Variants in MARCHF4 observed in about 807,000 individuals in gnomAD.
MARCHF4 encodes the protein E3 ubiquitin-protein ligase MARCHF4.
In MARCHF4, 14 loss-of-function variants were observed where a neutral mutation model predicts 43.9. The observed-to-expected ratio is 0.32, with a 90% CI of 0.21 to 0.50. MARCHF4 has a LOEUF of 0.50. Ranked by LOEUF, MARCHF4 falls within the 20% of genes least tolerant of loss-of-function variation. The pLI, the probability that MARCHF4 is intolerant of heterozygous loss-of-function variation, is 0.98. For synonymous variants in MARCHF4, 226 were observed against 213.3 expected (o/e 1.06, Z -0.52); for missense variants, 468 against 536.7 (o/e 0.87, Z 1.27).
chr2:216,343,929 G>C (rs1692272247), intron 1 of MARCHF4, among the ~76,000 whole-genome samples: 1 of 152,180 alleles, frequency 6.6e-6, no homozygotes, highest in Non-Finnish European at 1.5e-5. Flanking sequence ...TCACGAGAGG[G>C]AATGAATGCT....
intron 1 of MARCHF4, among the ~76,000 whole-genome samples, chr2:216,285,235 C>T (rs1004917389): frequency 3.3e-5 from 5 of 152,232 alleles, no homozygotes; most frequent in Non-Finnish European, 7.3e-5. Context: ...GGAACCACAT[C>T]CATTTTGTTA....
chr2:216,369,969 C>A lies in MARCHF4; in HGVS notation c.292G>T (p.Gly98Cys), dbSNP rs1401902695. 6.4e-7 allele frequency: 1 copy of A among 1,566,280 alleles called. No individual in the cohort carries two copies. The highest frequency in any genetic ancestry group is 1.8e-4 in the Middle Eastern group (1 of 5,456). Residue 98 changes from glycine (G) to cysteine (C), a missense_variant, in exon 1 of 4, where the codon GGC becomes TGC. Physicochemically the swap from Gly to Cys is radical, Grantham distance 159. Coordinates refer to ENST00000273067, the MANE Select transcript of MARCHF4 (RefSeq NM_020814.3). ...AGWRGPREVV[G>C]REPPPVPPPP... ...GGTGGCACAGGAGGGGGCTCCCTGC[C>A]CACCACTTCTCGGGGGCCCCTCCAG...
At chr2:216,267,666 C>T (rs578146825) in intron 3 of MARCHF4, among the ~76,000 whole-genome samples, 40 of 152,288 alleles carry the variant, frequency 2.6e-4, no homozygotes, top group Non-Finnish European at 4.7e-4. Context: ...GGCTTGATGG[C>T]GTGTTTCATA....
At chr2:216,283,345 CCT>C (rs1212087403) in intron 2 of MARCHF4, among the ~76,000 whole-genome samples, 1 of 152,018 alleles carries the variant, frequency 6.6e-6, no homozygotes, top group East Asian at 1.9e-4. Context: ...TATCTATTTC[CCT>C]CTCTTTGCCC....
chr2:216,333,547 T>C (rs1015120191), intron 1 of MARCHF4, among the ~76,000 whole-genome samples: 5 of 152,206 alleles, frequency 3.3e-5, no homozygotes, highest in South Asian at 2.1e-4. Context: ...TTGCACAACA[T>C]ATATGGAAAT....
intron 1 of MARCHF4, among the ~76,000 whole-genome samples, chr2:216,293,005 T>G (rs780302616): frequency 3.9e-5 from 6 of 152,100 alleles, no homozygotes; most frequent in Non-Finnish European, 8.8e-5. Flanking sequence ...ATTAAGTGAG[T>G]TAAGTGAGTT....
At chr2:216,336,742 T>TAGAAAAAAAAAAAAAAAAAAAAAA (rs1692162411) in intron 1 of MARCHF4, among the ~76,000 whole-genome samples, 1 of 55,680 alleles carries the variant, frequency 1.8e-5, no homozygotes, top group Non-Finnish European at 3.8e-5. Flanking sequence ...CAAATAGATT[T>TAGAAAAAAAAAAAAAAAAAAAAAA]AAAAAAAAAA....
intron 1 of MARCHF4, among the ~76,000 whole-genome samples, chr2:216,361,462 A>G (rs1574488361): frequency 6.6e-6 from 1 of 152,178 alleles, no homozygotes; most frequent in East Asian, 1.9e-4. Flanking sequence ...CTTCTTCTGC[A>G]TGCTTGTCTG....
intron 1 of MARCHF4, among the ~76,000 whole-genome samples, chr2:216,292,537 C>T (rs977070305): frequency 4.6e-5 from 7 of 152,100 alleles, no homozygotes; most frequent in Non-Finnish European, 7.3e-5. Context: ...CTCCAGTGTC[C>T]GTATTAGATC....
Position 216,258,186 on chromosome 2 carries a change from G to A in MARCHF4, c.*1126C>T, listed in dbSNP as rs1690683063. The A allele has an allele frequency of 6.6e-6, 1 of 152,212 alleles. No homozygotes were observed. The allele number at this position is 152,212 out of a possible 1,614,324, so 9.4% of individuals were successfully genotyped here. A position where few individuals can be genotyped will look rare whatever the true frequency, so the allele number is the denominator to read the frequency against. The stretch of plus-strand genomic sequence containing the variant: ...ATCAGCCTGACTGCCTCTTTGGGGA[G>A]GGTTCCAAACAGGGAGGGTTCCAAG... On this transcript the variant is annotated 3_prime_UTR_variant, in exon 4 of 4. Coordinates refer to ENST00000273067, the MANE Select transcript of MARCHF4 (RefSeq NM_020814.3).
intron 1 of MARCHF4, among the ~76,000 whole-genome samples, chr2:216,326,725 A>G (rs1040845023): frequency 4.6e-5 from 7 of 151,288 alleles, no homozygotes; most frequent in Admixed American, 2.6e-4. Flanking sequence ...AAAACCAAAC[A>G]CCGCATATTC....
chr2:216,314,481 G>A (rs1009562833), intron 1 of MARCHF4, among the ~76,000 whole-genome samples: 3 of 151,792 alleles, frequency 2.0e-5, no homozygotes, highest in Middle Eastern at 6.3e-3. Context: ...ACGCCACCAC[G>A]CCCAGCTAAT....
chr2:216,327,382 T>C (rs1040157423), intron 1 of MARCHF4, among the ~76,000 whole-genome samples: 1 of 152,002 alleles, frequency 6.6e-6, no homozygotes, highest in Non-Finnish European at 1.5e-5. Context: ...TCTATTTTTT[T>C]CCCCTCATCT....
chr2:216,288,542 G>A (rs1224226360), intron 1 of MARCHF4, among the ~76,000 whole-genome samples: 1 of 152,072 alleles, frequency 6.6e-6, no homozygotes, highest in Admixed American at 6.6e-5. Context: ...GGATGGATAA[G>A]GGACCCTGAC....
At position 216,259,336 on chromosome 2, in the gene MARCHF4, C is replaced by T. The variant is rs1029994969; in HGVS notation, c.1209G>A (p.Leu403=). 2 of 1,560,350 alleles carry T rather than the reference C, an allele frequency of 1.3e-6. No homozygotes were observed. The highest frequency in any genetic ancestry group is 1.7e-6 in the Non-Finnish European group (2 of 1,150,556). Reference sequence around the variant, plus strand: ...CTCACACTGTCGTGACTCTCATGACCAGCTCTCGGCTGCTGCCTGGGGGAC... The same window carrying T: ...CTCACACTGTCGTGACTCTCATGACTAGCTCTCGGCTGCTGCCTGGGGGAC... ...QRSPPGSSRE[L]VMRVTTV Residue 403 remains leucine (L), a synonymous_variant, in exon 4 of 4, where the codon CTG becomes CTA. Coordinates refer to ENST00000273067, the MANE Select transcript of MARCHF4 (RefSeq NM_020814.3).
chr2:216,307,238 A>T (rs1352135812), intron 1 of MARCHF4, among the ~76,000 whole-genome samples: 2 of 152,140 alleles, frequency 1.3e-5, no homozygotes, highest in African/African-American at 4.8e-5. Context: ...AGGGACTCAC[A>T]GGGGCTCAAC....
At chr2:216,285,353 C>T (rs1240064316) in intron 1 of MARCHF4, among the ~76,000 whole-genome samples, 1 of 152,270 alleles carries the variant, frequency 6.6e-6, no homozygotes, top group East Asian at 1.9e-4. Context: ...CTCCTTGGTT[C>T]CCCACTCTGC....
chr2:216,277,964 G>T, intron 2 of MARCHF4, 100 bp from the exon 3 acceptor site: 1 of 1,174,532 alleles, frequency 8.5e-7, no homozygotes, highest in Non-Finnish European at 1.2e-6. Flanking sequence ...CTCTGATTTA[G>T]GATTTAAGCC....
At chr2:216,355,675 A>G (rs1482370784) in intron 1 of MARCHF4, among the ~76,000 whole-genome samples, 3 of 152,232 alleles carry the variant, frequency 2.0e-5, no homozygotes, top group African/African-American at 4.8e-5. Context: ...CAAATGCGTA[A>G]TGGATGTCAA....
Sources: gnomAD v4.1 joint callset for allele counts (sites outside exome capture counted in the v4.1 genomes callset) on GRCh38, gnomAD v4.1.1 for gene constraint, MANE v1.5 for transcripts, NCBI Gene and HGNC (gene_info 2026-07-23, HGNC 2026-07-21) for gene names.